LGR5: variants seen among roughly 807,000 people sequenced by gnomAD.
The protein encoded by LGR5 is leucine-rich repeat-containing G protein-coupled receptor 5.
Under a neutral mutation model 76.7 loss-of-function variants are expected in LGR5, and 54 were observed. The observed-to-expected ratio is 0.70, with a 90% CI of 0.57 to 0.88. The LOEUF (loss-of-function observed/expected upper bound fraction) is 0.88. LGR5 is among the 40% of genes least tolerant of loss of function. The pLI is 0.00. For synonymous variants in LGR5, 406 were observed against 421.9 expected (o/e 0.96, Z 0.46); for missense variants, 1,078 against 1,073.3 (o/e 1.00, Z -0.06).
At chr12:71,471,958 A>G (rs1873121697) in intron 1 of LGR5, among the ~76,000 whole-genome samples, 1 of 152,224 alleles carries the variant, frequency 6.6e-6, no homozygotes, top group Non-Finnish European at 1.5e-5. Flanking sequence ...TGTCTTAGTG[A>G]CATGCCTTCA....
At chr12:71,445,262 T>C (rs1565846466) in intron 1 of LGR5, among the ~76,000 whole-genome samples, 2 of 152,232 alleles carry the variant, frequency 1.3e-5, no homozygotes, top group African/African-American at 4.8e-5. Context: ...TTTTCCTTTA[T>C]AGAGCCTCAT....
intron 1 of LGR5, among the ~76,000 whole-genome samples, chr12:71,482,372 AG>A (rs1187352638): frequency 6.6e-6 from 1 of 152,260 alleles, no homozygotes; most frequent in East Asian, 1.9e-4. Flanking sequence ...TTTCCTCTGA[AG>A]GCTCTCTCCT....
intron 1 of LGR5, among the ~76,000 whole-genome samples, chr12:71,495,489 G>A (rs925711218): frequency 6.6e-5 from 10 of 151,372 alleles, no homozygotes; most frequent in African/African-American, 2.5e-5. Flanking sequence ...TGCAATTTAA[G>A]CTAGATGAAA....
At chr12:71,582,258 A>G (rs1320534959) in intron 16 of LGR5, 198 bp from the exon 17 acceptor site, 1 of 512,608 alleles carries the variant, frequency 2.0e-6, no homozygotes, top group South Asian at 2.4e-5. Context: ...CCTCACCCCC[A>G]GTTGTACTAG....
At chr12:71,516,932 T>A (rs1460759241) in intron 2 of LGR5, among the ~76,000 whole-genome samples, 1 of 151,924 alleles carries the variant, frequency 6.6e-6, no homozygotes, top group Non-Finnish European at 1.5e-5. Context: ...TTAATCGAGT[T>A]ACATCTTGTT....
intron 4 of LGR5, among the ~76,000 whole-genome samples, chr12:71,546,752 A>G (rs956647790): frequency 6.6e-6 from 1 of 152,234 alleles, no homozygotes; most frequent in Non-Finnish European, 1.5e-5. Flanking sequence ...GCCTCCAGTC[A>G]GAAAGCCTAC....
intron 1 of LGR5, among the ~76,000 whole-genome samples, chr12:71,469,691 C>A (rs1200049216): frequency 6.6e-6 from 1 of 152,216 alleles, no homozygotes; most frequent in Admixed American, 6.5e-5. Context: ...TCTCGGCCCA[C>A]TTCAGTCGGC....
At chr12:71,538,021 G>A (rs1033604635) in intron 4 of LGR5, among the ~76,000 whole-genome samples, 9 of 151,784 alleles carry the variant, frequency 5.9e-5, no homozygotes, top group Admixed American at 5.9e-4. Context: ...CACTCTTTAA[G>A]AAGCACTCTA....
intron 1 of LGR5, among the ~76,000 whole-genome samples, chr12:71,458,337 G>A (rs1034498035): frequency 1.3e-5 from 2 of 152,032 alleles, no homozygotes; most frequent in African/African-American, 4.8e-5. Flanking sequence ...GCCTCTGTGA[G>A]GTTGGAGCTC....
chr12:71,454,098 A>G (rs748529395), intron 1 of LGR5, among the ~76,000 whole-genome samples: 2 of 152,038 alleles, frequency 1.3e-5, no homozygotes, highest in Non-Finnish European at 2.9e-5. Flanking sequence ...CAGTCTTTTA[A>G]TCCTATTGGA....
intron 1 of LGR5, chr12:71,441,338 C>T (rs551542267): frequency 1.3e-5 from 2 of 152,326 alleles, no homozygotes; most frequent in East Asian, 1.9e-4. Flanking sequence ...GCAGAGAGGC[C>T]AGGTTCTAGG....
At chr12:71,483,789 G>A (rs896751940) in intron 1 of LGR5, among the ~76,000 whole-genome samples, 4 of 152,046 alleles carry the variant, frequency 2.6e-5, no homozygotes, top group Non-Finnish European at 2.9e-5. Context: ...GTGTGTGTAC[G>A]TGTATGTGAA....
intron 15 of LGR5, among the ~76,000 whole-genome samples, chr12:71,579,164 A>G (rs1741414046): frequency 6.6e-6 from 1 of 152,206 alleles, no homozygotes; most frequent in Non-Finnish European, 1.5e-5. Flanking sequence ...TAGAGTTCAT[A>G]GGAGGAGTTT....
chr12:71,530,854 G>C (rs1351974511), intron 3 of LGR5, among the ~76,000 whole-genome samples: 1 of 150,860 alleles, frequency 6.6e-6, no homozygotes, highest in Non-Finnish European at 1.5e-5. Flanking sequence ...GAGCCTTGAT[G>C]GTTACTTGAT....
intron 1 of LGR5, among the ~76,000 whole-genome samples, chr12:71,492,832 A>G (rs1479884480): frequency 6.8e-6 from 1 of 146,084 alleles, no homozygotes; most frequent in Non-Finnish European, 1.5e-5. Flanking sequence ...TTGTCCCTGT[A>G]GCTGTTGCAG....
chr12:71,518,423 A>G (rs1875553941), intron 2 of LGR5, among the ~76,000 whole-genome samples: 1 of 152,200 alleles, frequency 6.6e-6, no homozygotes, highest in Non-Finnish European at 1.5e-5. Flanking sequence ...TAGCGCAACC[A>G]TTGTGAAGAC....
intron 4 of LGR5, among the ~76,000 whole-genome samples, chr12:71,542,175 C>T (rs1255003562): frequency 6.6e-6 from 1 of 152,070 alleles, no homozygotes; most frequent in Non-Finnish European, 1.5e-5. Context: ...ATGAGGAAAC[C>T]GTAGGTGAGA....
Position 71,584,611 on chromosome 12 carries a change from C to T in LGR5, c.2601C>T (p.Ala867=), listed in dbSNP as rs755899935. The T allele has an allele frequency of 1.9e-6, 3 of 1,614,048 alleles. No homozygotes were observed. Among genetic ancestry groups the T allele is most frequent in the Non-Finnish European group, 2.5e-6 (3 of 1,180,040 alleles). The change falls in exon 18 of 18, where the codon GCC becomes GCT. Residue 867 remains alanine, a synonymous_variant. Coordinates refer to ENST00000266674, the MANE Select transcript of LGR5 (RefSeq NM_003667.4). ...AACAGTCCTGTGACTCAACTCAAGC[C>T]TTGGTAACCTTTACCAGCTCCAGCA... ...VEKQSCDSTQ[A]LVTFTSSSIT...
Position 71,439,952 on chromosome 12 carries a change from G to T in LGR5, c.-129G>T, listed in dbSNP as rs1871674812. The T allele has an allele frequency of 7.6e-6, 6 of 788,888 alleles. No homozygotes were observed. Among genetic ancestry groups the T allele is most frequent in the Admixed American group, 3.0e-5 (1 of 33,896 alleles). The allele number at this position is 788,888 out of a possible 1,614,324, so 48.9% of individuals were successfully genotyped here. A position where few individuals can be genotyped will look rare whatever the true frequency, so the allele number is the denominator to read the frequency against. On this transcript the variant is annotated 5_prime_UTR_variant, in exon 1 of 18. Transcript: ENST00000266674. ...CCCACGCCGTGGGGTCAGGAACGCG[G>T]CGTCTGGCGCTGCAGACGCCCGCTG...
Sources: gnomAD v4.1 joint callset for allele counts (sites outside exome capture counted in the v4.1 genomes callset) on GRCh38, gnomAD v4.1.1 for gene constraint, MANE v1.5 for transcripts, NCBI Gene and HGNC (gene_info 2026-07-23, HGNC 2026-07-21) for gene names.